Variants in RINT1 observed in about 807,000 individuals in gnomAD.
The protein encoded by RINT1 is RAD50 interactor 1.
A neutral mutation model predicts 97.7 loss-of-function variants in RINT1; 75 were observed. The ratio of observed to expected loss-of-function variants is 0.77; its 90% CI spans 0.64 to 0.93. The LOEUF (loss-of-function observed/expected upper bound fraction) is 0.93, where lower values mean the gene tolerates loss of function less well. Among genes scored for constraint, RINT1 ranks in the 40% least tolerant of loss-of-function variants. RINT1 has a pLI of 0.00. For missense variants in RINT1, 892 were observed against 925.2 expected (o/e 0.96, Z 0.47); for synonymous variants, 303 against 326.3 (o/e 0.93, Z 0.77).
In RINT1 at chr7:105,548,542, T is replaced by A. The variant is rs747803201; in HGVS notation, c.840-12T>A. On this transcript the variant is annotated splice_polypyrimidine_tract_variant and intron_variant, in intron 6 of 14. Transcript: ENST00000257700. ...TGCTTTTGATTCTTTTTCCTTGACT[T>A]GATTATGTCAGAGATGAATTACTTA... 9.9e-6 allele frequency: 16 copies of A among 1,613,786 alleles called. No individual in the cohort carries two copies. In the African/African-American group the frequency reaches 1.9e-4, roughly 19 times the overall value.
At chr7:105,532,700 G>A (rs1790082018) in intron 1 of RINT1, 124 bp from the exon 2 acceptor site, 3 of 1,042,308 alleles carry the variant, frequency 2.9e-6, no homozygotes, top group Admixed American at 3.6e-5. Context: ...GGCCCTGGTC[G>A]CTCAGAAAGT....
chr7:105,561,021 T>C (rs1221794188), intron 11 of RINT1, among the ~76,000 whole-genome samples: 2 of 151,392 alleles, frequency 1.3e-5, no homozygotes, highest in Admixed American at 6.6e-5. Context: ...TGCCAGGCCA[T>C]CAAGGGAAGC....
At chr7:105,559,540 C>CAAAAAAAAAAAAAAAAAAAA (rs60718751) in intron 11 of RINT1, among the ~76,000 whole-genome samples, 1 of 59,018 alleles carries the variant, frequency 1.7e-5, no homozygotes, top group Non-Finnish European at 2.9e-5. Flanking sequence ...GACTCTGTCT[C>CAAAAAAAAAAAAAAAAAAAA]AAAAAAAAAA....
At chr7:105,552,736 T>C (rs6942426) in intron 10 of RINT1, among the ~76,000 whole-genome samples, 54,090 of 135,940 alleles carry the variant, frequency 0.4, 10,903 homozygotes, top group African/African-American at 0.54. Context: ...TGCAGTGGCA[T>C]GATCTCGGCT....
chr7:105,556,953 T>G lies in RINT1; in HGVS notation c.1671+1726T>G, dbSNP rs573090873. Among the ~76,000 whole-genome samples, 8 of 152,296 alleles carry G rather than the reference T, an allele frequency of 5.3e-5. No homozygotes were observed. The South Asian group carries it at 1.2e-3, about 24-fold the overall frequency. On this transcript the variant is annotated intron_variant, in intron 11 of 14. Transcript: ENST00000257700. ...CAGAGGACCTTCAGAACTCCCTTCT[T>G]GAACAGGGTGCCCTTAGGTTAAGAA...
intron 11 of RINT1, among the ~76,000 whole-genome samples, chr7:105,557,039 T>C (rs1286373732): frequency 2.6e-5 from 4 of 152,226 alleles, no homozygotes; most frequent in African/African-American, 7.2e-5. Context: ...CCAACTTGGG[T>C]GTCCCATAAA....
At chr7:105,557,946 C>G (rs573227074) in intron 11 of RINT1, among the ~76,000 whole-genome samples, 1 of 152,144 alleles carries the variant, frequency 6.6e-6, no homozygotes, top group East Asian at 1.9e-4. Context: ...TGTCATTCTG[C>G]TGAGCAAGGA....
rs776280054 is a variant in RINT1 at position 105,565,292 on chromosome 7, A to G, written c.1902A>G (p.Pro634=). The part of the protein sequence containing the change: ...LYKKERWLSL[P]SQSEQAVMSL... ...TTTTTTCCAGATGGTTGTCCTTGCC[A>G]TCTCAGTCAGAGCAGGCAGTGATGT... The change falls in exon 13 of 15, where the codon CCA becomes CCG. Residue 634 remains proline (P), a synonymous_variant. Transcript: ENST00000257700. The G allele has an allele frequency of 3.1e-6, 5 of 1,595,696 alleles. No individual in the cohort carries two copies. Among genetic ancestry groups the G allele is most frequent in the Admixed American group, 1.7e-5 (1 of 57,488 alleles).
chr7:105,544,746 T>C (rs1301426971), intron 4 of RINT1, among the ~76,000 whole-genome samples: 4 of 152,204 alleles, frequency 2.6e-5, no homozygotes, highest in Non-Finnish European at 5.9e-5. Context: ...TGATAAACTC[T>C]TCAGATATCT....
Position 105,546,942 on chromosome 7 carries a change from A to G in RINT1, c.548A>G (p.Asn183Ser). The change falls in exon 5 of 15, where the codon AAT (asparagine) becomes AGT (serine). Residue 183 changes from asparagine (N) to serine (S), a missense_variant. Physicochemically the swap from Asn to Ser is conservative, Grantham distance 46. Transcript: ENST00000257700. ...ATTCAGCAATATCTGATGACCAATAATGTACCGGAGGCAGCCTCCACTCTA... is the reference window on the plus strand; with the variant it reads ...ATTCAGCAATATCTGATGACCAATAGTGTACCGGAGGCAGCCTCCACTCTA... ...DNIQQYLMTN[N>S]VPEAASTLVS... 6.2e-7 allele frequency: 1 copy of G among 1,610,490 alleles called. No individual in the cohort carries two copies. Among genetic ancestry groups the G allele is most frequent in the Non-Finnish European group, 8.5e-7 (1 of 1,179,154 alleles).
chr7:105,563,935 A>G lies in RINT1; in HGVS notation c.1874A>G (p.Tyr625Cys). 1.9e-6 allele frequency: 3 copies of G among 1,613,454 alleles called. No homozygotes were observed. The highest frequency in any genetic ancestry group is 2.5e-6 in the Non-Finnish European group (3 of 1,179,426). Residue 625 changes from tyrosine to cysteine, a missense_variant, in exon 12 of 15, where the codon TAT becomes TGT. Transcript: ENST00000257700. Reference protein sequence around the residue: ...FREVKDAAKLYKKERWLSLPS... With the variant: ...FREVKDAAKLCKKERWLSLPS... ...GAAGTTAAAGATGCTGCAAAATTGT[A>G]TAAAAAAGAAAGGTATGTCCTCTAT...
intron 3 of RINT1, among the ~76,000 whole-genome samples, chr7:105,537,261 G>C (rs1039090515): frequency 5.9e-5 from 9 of 151,402 alleles, no homozygotes; most frequent in African/African-American, 2.2e-4. Context: ...CTCCCATGTA[G>C]CTGGGATTAC....
Position 105,532,221 on chromosome 7 carries a change from C to G in RINT1, c.-95C>G. 1 of 1,398,300 alleles carries G rather than the reference C, an allele frequency of 7.2e-7. No homozygotes were observed. Among genetic ancestry groups the G allele is most frequent in the Non-Finnish European group, 9.7e-7 (1 of 1,029,958 alleles). 86.6% of individuals were successfully genotyped at this position (1,398,300 alleles called of 1,614,324 possible). Reference sequence around the variant, plus strand: ...TCGCTGTGGCACTCAGTCCTACGGCCTCCGAGGCTGGGTAGTGAGTGTGTC... The same window carrying G: ...TCGCTGTGGCACTCAGTCCTACGGCGTCCGAGGCTGGGTAGTGAGTGTGTC... On this transcript the variant is annotated 5_prime_UTR_variant, in exon 1 of 15. Coordinates refer to ENST00000257700, the MANE Select transcript of RINT1 (RefSeq NM_021930.6).
chr7:105,559,182 G>T (rs530714190), intron 11 of RINT1, among the ~76,000 whole-genome samples: 1 of 151,404 alleles, frequency 6.6e-6, no homozygotes. Context: ...ATCACCTGAC[G>T]TCAGGAGTTT....
chr7:105,551,733 T>C (rs1445128765), intron 10 of RINT1, 26 bp downstream of exon 10: 1 of 1,569,288 alleles, frequency 6.4e-7, no homozygotes, highest in Non-Finnish European at 8.7e-7. Context: ...AAGATATGAC[T>C]TTGTTTTAAA....
chr7:105,565,154 G>A lies in RINT1; in HGVS notation c.1887-123G>A, dbSNP rs1184333264. The A allele has an allele frequency of 7.5e-6, 5 of 665,680 alleles. No homozygotes were observed. In the African/African-American group the frequency reaches 9.0e-5, roughly 12 times the overall value. 41.2% of individuals were successfully genotyped at this position (665,680 alleles called of 1,614,324 possible). A position where few individuals can be genotyped will look rare whatever the true frequency, so the allele number is the denominator to read the frequency against. On this transcript the variant is annotated intron_variant, in intron 12 of 14. Transcript: ENST00000257700. ...TTTCTGATAGAGCTTTTAATGTTAG[G>A]CTGTATATTTTTTCTTATCCAAAAT...
At chr7:105,550,228 A>G in intron 8 of RINT1, 33 bp from the exon 9 acceptor site, 2 of 1,608,662 alleles carry the variant, frequency 1.2e-6, no homozygotes, top group Non-Finnish European at 8.5e-7. Context: ...ATAACTTTTT[A>G]TTTACATACC....
intron 3 of RINT1, among the ~76,000 whole-genome samples, chr7:105,540,481 C>G (rs1429013858): frequency 6.6e-6 from 1 of 152,102 alleles, no homozygotes; most frequent in Non-Finnish European, 1.5e-5. Flanking sequence ...AGTGTGGTCT[C>G]AAACTCCTTA....
At chr7:105,564,699 T>G (rs1039052060) in intron 12 of RINT1, among the ~76,000 whole-genome samples, 1 of 152,192 alleles carries the variant, frequency 6.6e-6, no homozygotes, top group African/African-American at 2.4e-5. Context: ...GCTGATGTCT[T>G]AATTAAAATG....
Sources: allele counts gnomAD v4.1 joint callset (sites outside exome capture counted in the v4.1 genomes callset), GRCh38; gene constraint gnomAD v4.1.1; transcripts MANE v1.5; gene names NCBI Gene and HGNC (gene_info 2026-07-23, HGNC 2026-07-21).